The following CNTN4 variants were observed in gnomAD, a reference collection of about 807,000 sequenced individuals.
The protein encoded by CNTN4 is contactin-4.
A neutral mutation model predicts 122.5 loss-of-function variants in CNTN4; 77 were observed. That is an observed-to-expected ratio of 0.63 (90% confidence interval 0.52 to 0.76). The LOEUF is 0.76. Ranked by LOEUF, CNTN4 falls within the 30% of genes least tolerant of loss-of-function variation. The probability of loss-of-function intolerance (pLI) is 0.00; values close to 1 mark genes in which losing one functional copy is unlikely to be tolerated. For synonymous variants in CNTN4, 512 were observed against 447.0 expected, an observed-to-expected ratio of 1.15 and a Z score of -1.83; for missense variants, 1,256 against 1,259.1, an observed-to-expected ratio of 1.00 and a Z score of 0.04.
chr3:2,438,999 A>G (rs1207576593), intron 3 of CNTN4, among the ~76,000 whole-genome samples: 2 of 152,232 alleles, frequency 1.3e-5, no homozygotes, highest in African/African-American at 4.8e-5. Context: ...AGTCCAGGCT[A>G]GACTGTGGCC....
chr3:2,479,116 A>G (rs867209397), intron 3 of CNTN4, among the ~76,000 whole-genome samples: 5 of 152,158 alleles, frequency 3.3e-5, no homozygotes, highest in Non-Finnish European at 4.4e-5. Context: ...ACTAGAAAGC[A>G]TCAACCATTT....
In CNTN4 at chr3:2,822,456, G is replaced by GA. The variant is rs139057307; in HGVS notation, c.454+2879dup. 8.7e-3 allele frequency among the ~76,000 whole-genome samples: 1,330 copies of GA among 152,220 alleles called. 18 individuals carry two copies. Among genetic ancestry groups the GA allele is most frequent in the African/African-American group, 0.03 (1,261 of 41,526 alleles). ...TATTGAAGGCCTGTCCTTTATATGA[G>GA]AAAACCACTTCACTGTGGACATATA... On this transcript the variant is annotated intron_variant, in intron 7 of 24. Transcript: ENST00000418658.
intron 3 of CNTN4, among the ~76,000 whole-genome samples, chr3:2,514,270 C>G (rs2076977644): frequency 6.6e-6 from 1 of 152,140 alleles, no homozygotes; most frequent in South Asian, 2.1e-4. Flanking sequence ...CCCTAACCCT[C>G]CTTAACAGCT....
intron 4 of CNTN4, among the ~76,000 whole-genome samples, chr3:2,705,842 T>G (rs1229703059): frequency 3.8e-5 from 4 of 104,072 alleles, no homozygotes; most frequent in Non-Finnish European, 6.8e-5. Context: ...ATATAATATA[T>G]AATATATAAT....
rs370396607 is a variant in CNTN4, at chr3:2,208,109, A to T, written c.-145+107470A>T. On this transcript the variant is annotated intron_variant, in intron 2 of 24. Coordinates refer to ENST00000418658, the MANE Select transcript of CNTN4 (RefSeq NM_175607.3). The stretch of plus-strand genomic sequence containing the variant: ...TTTCAGCTCTAATTATTTAAGATAT[A>T]TACTTCATAAGGCTATCAGTACCAT... 2.6e-5 allele frequency among the ~76,000 whole-genome samples: 4 copies of T among 152,162 alleles called. No individual in the cohort carries two copies. In the East Asian group the frequency reaches 5.8e-4, roughly 22 times the overall value.
chr3:2,722,217 C>T (rs979691822), intron 4 of CNTN4, among the ~76,000 whole-genome samples: 1 of 152,184 alleles, frequency 6.6e-6, no homozygotes, highest in African/African-American at 2.4e-5. Context: ...AATGACCTTT[C>T]AACAAGCTAT....
chr3:2,750,007 A>T (rs1327041920), intron 6 of CNTN4, among the ~76,000 whole-genome samples: 1 of 152,240 alleles, frequency 6.6e-6, no homozygotes, highest in East Asian at 1.9e-4. Context: ...TATACCATGC[A>T]AGTGAGAATA....
intron 13 of CNTN4, among the ~76,000 whole-genome samples, chr3:2,982,516 CT>C (rs1694126525): frequency 6.6e-6 from 1 of 152,142 alleles, no homozygotes; most frequent in Non-Finnish European, 1.5e-5. Context: ...CTCTGTTTGT[CT>C]TTGGATGGCT....
chr3:2,171,626 A>G (rs2036517591), intron 2 of CNTN4, among the ~76,000 whole-genome samples: 1 of 152,210 alleles, frequency 6.6e-6, no homozygotes, highest in Non-Finnish European at 1.5e-5. Context: ...TTGAGATCCT[A>G]AGCCAAACCA....
intron 2 of CNTN4, among the ~76,000 whole-genome samples, chr3:2,293,993 C>G (rs1360250385): frequency 6.6e-6 from 1 of 152,166 alleles, no homozygotes; most frequent in African/African-American, 2.4e-5. Context: ...ATGGTCAGCT[C>G]TGTTTCTAGC....
intron 3 of CNTN4, among the ~76,000 whole-genome samples, chr3:2,463,075 G>A (rs564534937): frequency 2.8e-4 from 43 of 152,058 alleles, no homozygotes; most frequent in African/African-American, 4.1e-4. Context: ...TGTTGGACGC[G>A]GTGTCTTTTT....
intron 4 of CNTN4, among the ~76,000 whole-genome samples, chr3:2,684,336 A>C (rs1398533469): frequency 6.6e-6 from 1 of 152,154 alleles, no homozygotes; most frequent in South Asian, 2.1e-4. Context: ...GCAGCTGAGA[A>C]TCCTGGACAG....
chr3:2,610,491 G>A (rs1166141124), intron 4 of CNTN4, among the ~76,000 whole-genome samples: 4 of 152,040 alleles, frequency 2.6e-5, no homozygotes, highest in South Asian at 2.1e-4. Flanking sequence ...TAGCACCCTC[G>A]CCATTTCTGC....
chr3:2,120,387 A>AG (rs2033667410), intron 2 of CNTN4, among the ~76,000 whole-genome samples: 2 of 89,440 alleles, frequency 2.2e-5, no homozygotes, highest in Non-Finnish European at 2.1e-5. Context: ...ATATATATAT[A>AG]TATATATATA....
At chr3:2,747,200 G>A (rs942630222) in intron 6 of CNTN4, among the ~76,000 whole-genome samples, 89 of 152,156 alleles carry the variant, frequency 5.8e-4, no homozygotes, top group Non-Finnish European at 7.4e-5. Context: ...ACGAGGTCAG[G>A]AGATCGAGAC....
rs370162243 is a variant in CNTN4, at chr3:2,562,786, C to T, written c.-88-8630C>T. Among the ~76,000 whole-genome samples the T allele has an allele frequency of 2.4e-4, 37 of 151,810 alleles. 1 individual carries two copies. Among genetic ancestry groups the T allele is most frequent in the Non-Finnish European group, 5.3e-4 (36 of 67,992 alleles). On this transcript the variant is annotated intron_variant, in intron 3 of 24. Transcript: ENST00000418658. ...TCACCCATGCTGGAGTGCAGTGGCA[C>T]GATCTTGGCTCACTGCAGACTCCAA...
chr3:2,301,152 G>A (rs1305042674), intron 2 of CNTN4, among the ~76,000 whole-genome samples: 1 of 152,156 alleles, frequency 6.6e-6, no homozygotes, highest in African/African-American at 2.4e-5. Context: ...CAATAATAAT[G>A]ATACAATCTC....
chr3:2,673,332 A>C (rs1305782288), intron 4 of CNTN4, among the ~76,000 whole-genome samples: 2 of 152,150 alleles, frequency 1.3e-5, no homozygotes, highest in African/African-American at 4.8e-5. Flanking sequence ...CTCCTGGCCC[A>C]ACTAGATCGC....
intron 23 of CNTN4, among the ~76,000 whole-genome samples, chr3:3,048,685 C>T (rs1700935710): frequency 6.6e-6 from 1 of 152,150 alleles, no homozygotes. Context: ...AAGAGTTGAC[C>T]TTTGCTAGAG....
Sources: allele counts gnomAD v4.1 joint callset (sites outside exome capture counted in the v4.1 genomes callset), GRCh38; gene constraint gnomAD v4.1.1; transcripts MANE v1.5; gene names NCBI Gene and HGNC (gene_info 2026-07-23, HGNC 2026-07-21).